Variants in METTL16 observed in about 807,000 individuals in gnomAD.
METTL16 encodes the protein RNA N(6)-adenosine-methyltransferase METTL16.
METTL16 carries 19 observed loss-of-function variants against 57.9 expected under a neutral mutation model. The observed-to-expected ratio is 0.33, with a 90% confidence interval of 0.23 to 0.48. The LOEUF is 0.48. Ranked by LOEUF, METTL16 falls within the 20% of genes least tolerant of loss-of-function variation. The pLI is 0.99. For synonymous variants in METTL16, 246 were observed against 255.6 expected (o/e 0.96, Z 0.36); for missense variants, 434 against 691.5 (o/e 0.63, Z 4.18).
chr17:2,499,446 T>C (rs1324730411), intron 2 of METTL16, among the ~76,000 whole-genome samples: 1 of 147,454 alleles, frequency 6.8e-6, no homozygotes, highest in Non-Finnish European at 1.5e-5. Context: ...GGACTACAGA[T>C]GCACAGTGTT....
chr17:2,420,627 A>G lies in METTL16; in HGVS notation c.1063-31T>C, dbSNP rs2151682256. On this transcript the variant is annotated intron_variant, in intron 9 of 9. Transcript: ENST00000263092. The surrounding 1 kb of genome is among the most constrained non-coding windows in gnomAD (Gnocchi z 5.4). ...TGGAGGAAAAACAGAATTTTGTGGG[A>G]AATCACGTTTCCCCTCTCTCCAAAC... The G allele has an allele frequency of 6.3e-7, 1 of 1,575,326 alleles. No homozygotes were observed. Among genetic ancestry groups the G allele is most frequent in the Middle Eastern group, 1.7e-4 (1 of 5,862 alleles).
intron 3 of METTL16, among the ~76,000 whole-genome samples, chr17:2,474,451 C>G (rs767220553): frequency 6.7e-6 from 1 of 149,236 alleles, no homozygotes; most frequent in South Asian, 2.1e-4. Flanking sequence ...AGAAGACATG[C>G]GAAAATATTT....
intron 8 of METTL16, among the ~76,000 whole-genome samples, chr17:2,425,147 G>A (rs1371360659): frequency 2.6e-5 from 4 of 152,174 alleles, no homozygotes; most frequent in African/African-American, 9.7e-5. Flanking sequence ...CAACACCACA[G>A]CTCTCTGGTC....
rs565922827 is a variant in METTL16, at chr17:2,463,740, G to A, written c.728+468C>T. Among the ~76,000 whole-genome samples the A allele has an allele frequency of 1.9e-3, 288 of 152,054 alleles. 5 individuals are homozygous for A. Among genetic ancestry groups the A allele is most frequent in the Non-Finnish European group, 2.8e-4 (19 of 67,978 alleles). ...CTCCCAAAGTGCTGGGATTACAGGT[G>A]TGAGCCACCACGCCCAGCCTGCAAT... On this transcript the variant is annotated intron_variant, in intron 6 of 9. Coordinates refer to ENST00000263092, the MANE Select transcript of METTL16 (RefSeq NM_024086.4).
chr17:2,471,792 AT>A (rs2067237152), intron 4 of METTL16, among the ~76,000 whole-genome samples: 1 of 152,080 alleles, frequency 6.6e-6, no homozygotes, highest in Non-Finnish European at 1.5e-5. Flanking sequence ...ATCTCAAAAA[AT>A]AAAAAATAAA....
At chr17:2,443,665 T>G (rs532635422) in intron 6 of METTL16, among the ~76,000 whole-genome samples, 1 of 151,898 alleles carries the variant, frequency 6.6e-6, no homozygotes, top group Non-Finnish European at 1.5e-5. Context: ...TTTTTTTTAT[T>G]ATTATTTTTA....
chr17:2,493,976 C>T (rs1474982539), intron 2 of METTL16, among the ~76,000 whole-genome samples: 3 of 152,262 alleles, frequency 2.0e-5, no homozygotes, highest in South Asian at 4.1e-4. Flanking sequence ...CTCTTCCCAT[C>T]GCCTCACAGA....
intron 6 of METTL16, among the ~76,000 whole-genome samples, chr17:2,454,832 A>G (rs576479335): frequency 2.0e-5 from 3 of 152,126 alleles, no homozygotes; most frequent in South Asian, 2.1e-4. Context: ...CCAAAGTGCT[A>G]GGATTACAGG....
intron 8 of METTL16, among the ~76,000 whole-genome samples, chr17:2,422,769 A>C (rs981939467): frequency 1.1e-4 from 16 of 151,900 alleles, no homozygotes; most frequent in Admixed American, 8.5e-4. Flanking sequence ...GGATGGATTG[A>C]GCTCAGGAGT....
chr17:2,491,680 C>A (rs1458796116), intron 2 of METTL16, among the ~76,000 whole-genome samples: 1 of 151,362 alleles, frequency 6.6e-6, no homozygotes, highest in Admixed American at 6.6e-5. Context: ...TGGAGACCAT[C>A]CTGGCTAACA....
intron 8 of METTL16, among the ~76,000 whole-genome samples, chr17:2,428,889 G>A (rs973077612): frequency 6.6e-6 from 1 of 151,966 alleles, no homozygotes; most frequent in African/African-American, 2.4e-5. Context: ...ACGGAGTTTT[G>A]CTCTTGTTGC....
intron 8 of METTL16, among the ~76,000 whole-genome samples, chr17:2,429,682 T>C (rs2066855200): frequency 6.6e-6 from 1 of 152,066 alleles, no homozygotes; most frequent in South Asian, 2.1e-4. Flanking sequence ...GCTCACATCA[T>C]GAAGACACAA....
chr17:2,511,529 C>G (rs907280958), intron 1 of METTL16, among the ~76,000 whole-genome samples: 1 of 152,044 alleles, frequency 6.6e-6, no homozygotes, highest in African/African-American at 2.4e-5. Context: ...CTCCTAAACA[C>G]CGGGGAGTCT....
intron 6 of METTL16, among the ~76,000 whole-genome samples, chr17:2,463,610 C>T (rs773024327): frequency 7.9e-5 from 12 of 151,908 alleles, no homozygotes; most frequent in East Asian, 7.8e-4. Context: ...TACAGGCACC[C>T]ACCACCACAC....
chr17:2,487,139 A>AG (rs1567902429), intron 2 of METTL16, among the ~76,000 whole-genome samples: 2 of 152,208 alleles, frequency 1.3e-5, no homozygotes, highest in Non-Finnish European at 2.9e-5. Flanking sequence ...ATGTGAGCTA[A>AG]GGGATGCTGT....
intron 2 of METTL16, among the ~76,000 whole-genome samples, chr17:2,493,466 C>G (rs550195027): frequency 6.6e-6 from 1 of 151,692 alleles, no homozygotes; most frequent in African/African-American, 2.4e-5. Context: ...CACCTGTAAT[C>G]CCAGCACTTT....
chr17:2,443,752 G>C (rs550558107), intron 6 of METTL16, among the ~76,000 whole-genome samples: 1 of 152,224 alleles, frequency 6.6e-6, no homozygotes, highest in South Asian at 2.1e-4. Context: ...GTCCACCTCG[G>C]CCTCCCGAAG....
At chr17:2,474,635 G>A (rs1168150921) in intron 3 of METTL16, among the ~76,000 whole-genome samples, 1 of 152,178 alleles carries the variant, frequency 6.6e-6, no homozygotes, top group East Asian at 1.9e-4. Flanking sequence ...CAAGAATATT[G>A]TTTTTACAGG....
chr17:2,427,722 C>T lies in METTL16; in HGVS notation c.889-6818G>A, dbSNP rs61630443. On this transcript the variant is annotated intron_variant, in intron 8 of 9. Transcript: ENST00000263092. ...CCTCCTGAGTAGCTAGGATTACAGG[C>T]GTGCACCACCGCAGTCACAGGATTT... 5.9e-3 allele frequency among the ~76,000 whole-genome samples: 892 copies of T among 151,982 alleles called. 10 individuals carry two copies. Among genetic ancestry groups the T allele is most frequent in the African/African-American group, 0.02 (815 of 41,430 alleles).
Sources: gnomAD v4.1 joint callset for allele counts (sites outside exome capture counted in the v4.1 genomes callset) on GRCh38, gnomAD v4.1.1 for gene constraint, Gnocchi (gnomAD v3.1) non-coding constraint, MANE v1.5 for transcripts, NCBI Gene and HGNC (gene_info 2026-07-23, HGNC 2026-07-21) for gene names.